PPP3CA: variants seen among roughly 807,000 people sequenced by gnomAD.
PPP3CA encodes the protein CAM-PRP catalytic subunit.
PPP3CA carries 14 observed loss-of-function variants against 66.5 expected under a neutral mutation model. The ratio of observed to expected loss-of-function variants is 0.21; its 90% confidence interval spans 0.14 to 0.33. The LOEUF (loss-of-function observed/expected upper bound fraction) is 0.33. Among genes scored for constraint, PPP3CA ranks in the 10% least tolerant of loss-of-function variants. The probability of loss-of-function intolerance (pLI) is 1.00; values close to 1 mark genes in which losing one functional copy is unlikely to be tolerated. For synonymous variants in PPP3CA, 232 were observed against 226.2 expected (o/e 1.03, Z -0.23); for missense variants, 317 against 639.5 (o/e 0.50, Z 5.44).
At chr4:101,231,183 A>C (rs917214795) in intron 1 of PPP3CA, among the ~76,000 whole-genome samples, 4 of 151,634 alleles carry the variant, frequency 2.6e-5, no homozygotes, top group Non-Finnish European at 5.9e-5. Flanking sequence ...ACAATGATGC[A>C]CTGGCCAGGG....
chr4:101,111,012 TG>T (rs1336311555), intron 2 of PPP3CA, among the ~76,000 whole-genome samples: 2 of 152,236 alleles, frequency 1.3e-5, no homozygotes, highest in Non-Finnish European at 2.9e-5. Context: ...AGCACATTTT[TG>T]TTACCAAATT....
chr4:101,342,572 A>T (rs1729851322), intron 1 of PPP3CA, among the ~76,000 whole-genome samples: 1 of 152,062 alleles, frequency 6.6e-6, no homozygotes, highest in African/African-American at 2.4e-5. Flanking sequence ...TGGTTATCGG[A>T]CCCCTTTCTT....
At chr4:101,074,387 G>C (rs147710940) in intron 8 of PPP3CA, among the ~76,000 whole-genome samples, 51 of 152,270 alleles carry the variant, frequency 3.3e-4, no homozygotes, top group African/African-American at 1.1e-3. Context: ...AAATATTCCT[G>C]AATGATAAAA....
chr4:101,331,771 A>G (rs1378613774), intron 1 of PPP3CA, among the ~76,000 whole-genome samples: 1 of 152,198 alleles, frequency 6.6e-6, no homozygotes, highest in Non-Finnish European at 1.5e-5. Context: ...GCTCCCAAAA[A>G]TTTATATTCA....
chr4:101,087,298 G>C (rs2110244147), intron 6 of PPP3CA, among the ~76,000 whole-genome samples: 1 of 152,322 alleles, frequency 6.6e-6, no homozygotes, highest in Non-Finnish European at 1.5e-5. Flanking sequence ...TTTAAGTTCA[G>C]AAGTGGCAAG....
At chr4:101,323,075 A>G (rs974343379) in intron 1 of PPP3CA, among the ~76,000 whole-genome samples, 1 of 152,114 alleles carries the variant, frequency 6.6e-6, no homozygotes, top group African/African-American at 2.4e-5. Flanking sequence ...CAGCCATTTC[A>G]TCTTCTGGGA....
chr4:101,282,887 T>C (rs956935163), intron 1 of PPP3CA, among the ~76,000 whole-genome samples: 2 of 152,232 alleles, frequency 1.3e-5, no homozygotes, highest in African/African-American at 4.8e-5. Context: ...AATCTAACTT[T>C]GATAAAATAA....
chr4:101,269,138 A>T (rs1159187018), intron 1 of PPP3CA, among the ~76,000 whole-genome samples: 2 of 152,140 alleles, frequency 1.3e-5, no homozygotes, highest in East Asian at 3.9e-4. Flanking sequence ...GATTACACAG[A>T]TGCCCTCCTC....
chr4:101,264,800 A>T (rs1727118998), intron 1 of PPP3CA, among the ~76,000 whole-genome samples: 1 of 152,182 alleles, frequency 6.6e-6, no homozygotes, highest in African/African-American at 2.4e-5. Context: ...GGCAAAGTAA[A>T]CATAGCATGT....
intron 12 of PPP3CA, among the ~76,000 whole-genome samples, chr4:101,030,128 A>ATAAG (rs1726876110): frequency 6.6e-6 from 1 of 152,168 alleles, no homozygotes. Flanking sequence ...CTTCCACTAT[A>ATAAG]TAAGTATATG....
chr4:101,098,981 T>C (rs975807923), intron 4 of PPP3CA, among the ~76,000 whole-genome samples: 1 of 152,168 alleles, frequency 6.6e-6, no homozygotes, highest in Non-Finnish European at 1.5e-5. Context: ...AGGAGAAGTC[T>C]TTATGCTCCA....
chr4:101,300,933 T>C (rs374069382), intron 1 of PPP3CA, among the ~76,000 whole-genome samples: 1 of 152,190 alleles, frequency 6.6e-6, no homozygotes. Flanking sequence ...TATGTATAAA[T>C]ATTCTGGTAG....
chr4:101,250,792 T>C (rs1046574531), intron 1 of PPP3CA, among the ~76,000 whole-genome samples: 16 of 152,068 alleles, frequency 1.1e-4, no homozygotes. Flanking sequence ...TTTTAATAGG[T>C]TTAATAAGCA....
At chr4:101,135,267 T>C (rs1248355651) in intron 2 of PPP3CA, among the ~76,000 whole-genome samples, 2 of 151,272 alleles carry the variant, frequency 1.3e-5, no homozygotes, top group African/African-American at 2.4e-5. Flanking sequence ...AAAATCAATA[T>C]GTGAGAAGCC....
chr4:101,075,137 C>A (rs749569946), intron 8 of PPP3CA, among the ~76,000 whole-genome samples: 32 of 152,174 alleles, frequency 2.1e-4, no homozygotes, highest in Non-Finnish European at 4.3e-4. Flanking sequence ...CTCCACCTGG[C>A]CCTGCCCTTG....
intron 2 of PPP3CA, among the ~76,000 whole-genome samples, chr4:101,181,752 G>T (rs1724242895): frequency 6.6e-6 from 1 of 152,024 alleles, no homozygotes; most frequent in South Asian, 2.1e-4. Flanking sequence ...ATATGAATTT[G>T]CCATGAGAGG....
intron 8 of PPP3CA, among the ~76,000 whole-genome samples, chr4:101,066,675 A>G (rs1728694866): frequency 6.6e-6 from 1 of 152,094 alleles, no homozygotes; most frequent in African/African-American, 2.4e-5. Flanking sequence ...TATATAACAC[A>G]GAAATACATG....
At chr4:101,163,025 G>A (rs958937943) in intron 2 of PPP3CA, among the ~76,000 whole-genome samples, 1 of 152,174 alleles carries the variant, frequency 6.6e-6, no homozygotes, top group African/African-American at 2.4e-5. Flanking sequence ...GAAAGCAAAG[G>A]AAGGTAAAAG....
intron 1 of PPP3CA, among the ~76,000 whole-genome samples, chr4:101,231,538 G>A (rs1312890624): frequency 6.6e-6 from 1 of 151,586 alleles, no homozygotes; most frequent in African/African-American, 2.4e-5. Flanking sequence ...AGAATGTGGT[G>A]GGCATTTTCC....
Sources: gnomAD v4.1 joint callset for allele counts (sites outside exome capture counted in the v4.1 genomes callset) on GRCh38, gnomAD v4.1.1 for gene constraint, MANE v1.5 for transcripts, NCBI Gene and HGNC (gene_info 2026-07-23, HGNC 2026-07-21) for gene names.